TOP3B: variants seen among roughly 807,000 people sequenced by gnomAD.
TOP3B encodes the protein DNA topoisomerase III beta.
In TOP3B, 45 loss-of-function variants were observed where a neutral mutation model predicts 93.9. The observed-to-expected ratio is 0.48, with a 90% CI of 0.38 to 0.61. The LOEUF is 0.61. Ranked by LOEUF, TOP3B falls within the 20% of genes least tolerant of loss-of-function variation. The pLI is 0.00. For missense variants in TOP3B, 750 were observed against 1,156.1 expected (o/e 0.65, Z 5.09); for synonymous variants, 357 against 472.6 (o/e 0.76, Z 3.17).
chr22:21,980,065 A>G (rs1192777980), intron 1 of TOP3B, among the ~76,000 whole-genome samples: 1 of 152,150 alleles, frequency 6.6e-6, no homozygotes, highest in Non-Finnish European at 1.5e-5. Flanking sequence ...AAATCATGCT[A>G]AGAAAGCTGG....
rs776383775 is a variant in TOP3B at position 21,970,352 on chromosome 22, C to T, written c.439G>A (p.Val147Met). The T allele has an allele frequency of 9.3e-6, 15 of 1,614,048 alleles. No individual in the cohort carries two copies. The highest frequency in any genetic ancestry group is 5.0e-5 in the Admixed American group (3 of 60,012). ...ATGGAGCTAAACCTGGCCCGGAACA[C>T]GGTCTTCTCGCCACCATGGGCCTTG... ...MNKAHGGEKT[V>M]FRARFSSITD... Residue 147 changes from valine to methionine, a missense_variant, in exon 6 of 18, where the codon GTG becomes ATG. Transcript: ENST00000357179. This position sits in a 1 kb window ranked among gnomAD's most constrained non-coding sequence, Gnocchi z 4.4.
chr22:21,959,644 C>T lies in TOP3B; in HGVS notation c.1747G>A (p.Gly583Ser), dbSNP rs761519165. The T allele has an allele frequency of 4.8e-5, 78 of 1,613,724 alleles. No individual in the cohort carries two copies. Among genetic ancestry groups the T allele is most frequent in the African/African-American group, 6.7e-5 (5 of 74,918 alleles). The change falls in exon 15 of 18, where the codon GGC (glycine) becomes AGC (serine). Residue 583 changes from glycine to serine, a missense_variant. By Grantham distance (56) the Gly-to-Ser change is moderately conservative. Transcript: ENST00000357179. Reference sequence around the variant, plus strand: ...CTCTTGAACACGTCCAGGGTGTGGCCCAGGACCTGGCGGTAGTCGGCCTTG... The same window carrying T: ...CTCTTGAACACGTCCAGGGTGTGGCTCAGGACCTGGCGGTAGTCGGCCTTG... Reference protein sequence around the residue: ...QGKADYRQVLGHTLDVFKRKF... With the variant: ...QGKADYRQVLSHTLDVFKRKF...
At chr22:21,967,881 TG>T (rs2071475720) in intron 7 of TOP3B, 165 bp from the exon 8 acceptor site, 1 of 599,400 alleles carries the variant, frequency 1.7e-6, no homozygotes, top group East Asian at 2.8e-5. Flanking sequence ...ATACGCAAGC[TG>T]ACATCTGGCC....
In TOP3B at chr22:21,970,194, C is replaced by A; in HGVS notation, c.581+16G>T. ...GAGTGAGGGTGTGCCCAGGACTCTG[C>A]GGGTGTGGCCAGCACCTGGTGAATG... On this transcript the variant is annotated intron_variant, in intron 6 of 17. Transcript: ENST00000357179. The surrounding 1 kb of genome is among the most constrained non-coding windows in gnomAD (Gnocchi z 4.4). 6.2e-7 allele frequency: 1 copy of A among 1,606,386 alleles called. No individual in the cohort carries two copies.
intron 1 of TOP3B, chr22:21,977,532 CAAAAAAAAAAA>C (rs562870639): frequency 3.9e-5 from 3 of 77,052 alleles, no homozygotes; most frequent in Non-Finnish European, 5.2e-5. Flanking sequence ...CCATCTCAAA[CAAAAAAAAAAA>C]AAAAAAAAAA....
chr22:21,981,227 A>G (rs2084624410), intron 1 of TOP3B, among the ~76,000 whole-genome samples: 1 of 152,226 alleles, frequency 6.6e-6, no homozygotes, highest in Non-Finnish European at 1.5e-5. Flanking sequence ...CAGTCCTGCC[A>G]GCATCCTAGG....
At position 21,972,104 on chromosome 22, in the gene TOP3B, G is replaced by A. The variant is rs999299482; in HGVS notation, c.310-153C>T. On this transcript the variant is annotated intron_variant, in intron 4 of 17. Transcript: ENST00000357179. ...GGCTGGGTAAGGAGCTGGCTGTGTT[G>A]AGGCTGGCTCAGCCAACAGAAAAGA... 5 of 605,006 alleles carry A rather than the reference G, an allele frequency of 8.3e-6. No individual in the cohort carries two copies. The African/African-American group carries it at 9.3e-5, about 11-fold the overall frequency. 37.5% of individuals were successfully genotyped at this position (605,006 alleles called of 1,614,324 possible).
chr22:21,968,676 C>G lies in TOP3B; in HGVS notation c.681G>C (p.Glu227Asp), dbSNP rs1229085887. 1.2e-6 allele frequency: 2 copies of G among 1,614,218 alleles called. No individual in the cohort carries two copies. Among genetic ancestry groups the G allele is most frequent in the South Asian group, 1.1e-5 (1 of 91,080 alleles). The stretch of plus-strand genomic sequence containing the variant: ...TGAAGGACTGGATTTTATCATGTCT[C>G]TCCACACAGAATCCCAGGGTTGGAG... The part of the protein sequence containing the change: ...CQTPTLGFCV[E>D]RHDKIQSFKP... Residue 227 changes from glutamate (E) to aspartate (D), a missense_variant, in exon 7 of 18, where the codon GAG becomes GAC. This residue lies in a region of TOP3B where 737 missense variants were observed against 933.7 expected (regional missense o/e 0.79). Coordinates refer to ENST00000357179, the MANE Select transcript of TOP3B (RefSeq NM_001282112.2).
In TOP3B at chr22:21,971,813, G is replaced by A; in HGVS notation, c.384+64C>T. Reference sequence around the variant, plus strand: ...CCAGGAGTGATGTGACTGACTGCTGGTGTCAGTTTGGGGCTGGTGTCAGAA... The same window carrying A: ...CCAGGAGTGATGTGACTGACTGCTGATGTCAGTTTGGGGCTGGTGTCAGAA... On this transcript the variant is annotated intron_variant, in intron 5 of 17. Transcript: ENST00000357179. The surrounding 1 kb of genome is among the most constrained non-coding windows in gnomAD (Gnocchi z 4.6). The A allele has an allele frequency of 1.4e-6, 2 of 1,453,556 alleles. No homozygotes were observed. Among genetic ancestry groups the A allele is most frequent in the South Asian group, 1.1e-5 (1 of 87,660 alleles). The allele number at this position is 1,453,556 out of a possible 1,614,324, so 90.0% of individuals were successfully genotyped here. A position where few individuals can be genotyped will look rare whatever the true frequency, so the allele number is the denominator to read the frequency against.
At chr22:21,959,051 C>T in intron 16 of TOP3B, 81 bp downstream of exon 16, 2 of 1,559,564 alleles carry the variant, frequency 1.3e-6, no homozygotes, top group East Asian at 2.3e-5. Flanking sequence ...GGACAAAGAA[C>T]ATGATTCCTG....
rs748637983 is a variant in TOP3B, at chr22:21,958,646, C to T, written c.1953G>A (p.Thr651=). Residue 651 remains threonine (T), a synonymous_variant, in exon 17 of 18, where the codon ACG becomes ACA. Coordinates refer to ENST00000357179, the MANE Select transcript of TOP3B (RefSeq NM_001282112.2). ...GCTTGATGGTGCCGTTCTGGGGGAG[C>T]GTGTAGGTCTCATCGCAGTGGGAGC... ...LHCSHCDETY[T]LPQNGTIKLY... is the part of the protein sequence containing the mutation. 31 of 1,613,132 alleles carry T rather than the reference C, an allele frequency of 1.9e-5. No individual in the cohort carries two copies. The highest frequency in any genetic ancestry group is 8.3e-5 in the Admixed American group (5 of 59,984).
At position 21,974,226 on chromosome 22, in the gene TOP3B, G is replaced by C. The variant is rs546304036; in HGVS notation, c.202+131C>G. Reference sequence around the variant, plus strand: ...AGGGACCCTCTCATTGCTACTTCATGATCTGCTGGCCTTATGACTCATGGA... The same window carrying C: ...AGGGACCCTCTCATTGCTACTTCATCATCTGCTGGCCTTATGACTCATGGA... On this transcript the variant is annotated intron_variant, in intron 3 of 17. Transcript: ENST00000357179. 4.3e-5 allele frequency: 51 copies of C among 1,192,180 alleles called. No homozygotes were observed. In the East Asian group the frequency reaches 1.3e-3, roughly 30 times the overall value. 73.9% of individuals were successfully genotyped at this position (1,192,180 alleles called of 1,614,324 possible).
chr22:21,959,610 T>C lies in TOP3B; in HGVS notation c.1781A>G (p.His594Arg). ...ACCAGCAATGGAGTCGACAAAGTAG[T>C]GGAACTTCCTCTTGAACACGTCCAG... ...HTLDVFKRKF[H>R]YFVDSIAGMD... Residue 594 changes from histidine to arginine, a missense_variant, in exon 15 of 18, where the codon CAC becomes CGC. Transcript: ENST00000357179. 2 of 1,612,716 alleles carry C rather than the reference T, an allele frequency of 1.2e-6. No individual in the cohort carries two copies. The highest frequency in any genetic ancestry group is 2.2e-5 in the East Asian group (1 of 44,864).
At chr22:21,968,466 C>T in intron 7 of TOP3B, 153 bp downstream of exon 7, 1 of 884,358 alleles carries the variant, frequency 1.1e-6, no homozygotes, top group Non-Finnish European at 1.7e-6. Context: ...GGCTGGGGTC[C>T]CTCAGCCCTA....
intron 9 of TOP3B, chr22:21,965,000 G>C (rs1023938608): frequency 3.3e-5 from 10 of 302,878 alleles, no homozygotes; most frequent in African/African-American, 1.9e-4. Flanking sequence ...AGACTGAGGA[G>C]ATGAGGCTGA....
Position 21,963,866 on chromosome 22 carries a change from G to A in TOP3B, c.1204+57C>T. The A allele has an allele frequency of 6.3e-7, 1 of 1,576,304 alleles. No homozygotes were observed. Among genetic ancestry groups the A allele is most frequent in the African/African-American group, 1.3e-5 (1 of 74,316 alleles). On this transcript the variant is annotated intron_variant, in intron 11 of 17. Transcript: ENST00000357179. This position sits in a 1 kb window ranked among gnomAD's most constrained non-coding sequence, Gnocchi z 4.8. Reference sequence around the variant, plus strand: ...GCCAACAGGGCCTGCAACCTTCACTGTCGCAGCTCGCCCTTCCCTCCCTGG... The same window carrying A: ...GCCAACAGGGCCTGCAACCTTCACTATCGCAGCTCGCCCTTCCCTCCCTGG...
chr22:21,966,001 C>A (rs575746427), intron 8 of TOP3B: 18 of 152,364 alleles, frequency 1.2e-4, no homozygotes, highest in African/African-American at 3.9e-4. Flanking sequence ...AAGTGATCCT[C>A]CTGCCTCAGC....
intron 1 of TOP3B, among the ~76,000 whole-genome samples, chr22:21,978,540 G>A: frequency 6.6e-6 from 1 of 152,210 alleles, no homozygotes; most frequent in East Asian, 1.9e-4. Context: ...GTGGCCTGGA[G>A]GAGGTGGCAG....
At chr22:21,968,309 A>G (rs553789057) in intron 7 of TOP3B, 41 of 342,514 alleles carry the variant, frequency 1.2e-4, no homozygotes, top group African/African-American at 2.1e-4. Context: ...TTGAAAGCCA[A>G]TGGTCTCAGT....
Sources: gnomAD v4.1 joint callset for allele counts (sites outside exome capture counted in the v4.1 genomes callset) on GRCh38, gnomAD v4.1.1 for gene constraint, gnomAD v4.1.1 regional missense constraint, Gnocchi (gnomAD v3.1) non-coding constraint, MANE v1.5 for transcripts, NCBI Gene and HGNC (gene_info 2026-07-23, HGNC 2026-07-21) for gene names.